The following LRRC4C variants were observed in gnomAD, a reference collection of about 807,000 sequenced individuals.
LRRC4C encodes the protein leucine-rich repeat-containing protein 4C.
Under a neutral mutation model 33.6 loss-of-function variants are expected in LRRC4C, and 5 were observed. The observed-to-expected ratio is 0.15, with a 90% CI of 0.08 to 0.31. The LOEUF (loss-of-function observed/expected upper bound fraction) is 0.31. LRRC4C is among the 10% of genes least tolerant of loss of function. The pLI is 1.00. For synonymous variants in LRRC4C, 329 were observed against 302.0 expected, an observed-to-expected ratio of 1.09 and a Z score of -0.93; for missense variants, 560 against 796.7, an observed-to-expected ratio of 0.70 and a Z score of 3.58.
At chr11:41,131,841 A>G (rs1943027575) in intron 1 of LRRC4C, among the ~76,000 whole-genome samples, 1 of 152,120 alleles carries the variant, frequency 6.6e-6, no homozygotes, top group African/African-American at 2.4e-5. Flanking sequence ...GTTAAAAGAC[A>G]CACCCATCAT....
At chr11:41,243,728 A>G (rs536124330) in intron 1 of LRRC4C, among the ~76,000 whole-genome samples, 2 of 152,292 alleles carry the variant, frequency 1.3e-5, no homozygotes, top group African/African-American at 4.8e-5. Context: ...ATAATGGAGC[A>G]ATCATCTAGG....
intron 3 of LRRC4C, among the ~76,000 whole-genome samples, chr11:40,358,514 C>A (rs941015598): frequency 1.3e-5 from 2 of 152,086 alleles, no homozygotes; most frequent in African/African-American, 4.8e-5. Context: ...CCCTTGGGCT[C>A]AAGTGATCCA....
chr11:40,816,199 G>T (rs1431942898), intron 2 of LRRC4C, among the ~76,000 whole-genome samples: 1 of 152,154 alleles, frequency 6.6e-6, no homozygotes, highest in African/African-American at 2.4e-5. Flanking sequence ...GATGCAAATG[G>T]AAGATCATTA....
At chr11:40,221,307 T>C (rs988959285) in intron 5 of LRRC4C, among the ~76,000 whole-genome samples, 1 of 152,208 alleles carries the variant, frequency 6.6e-6, no homozygotes, top group Non-Finnish European at 1.5e-5. Flanking sequence ...TTTTTCTAAG[T>C]GACAAATTAG....
intron 2 of LRRC4C, among the ~76,000 whole-genome samples, chr11:40,859,917 A>C (rs1953992293): frequency 6.6e-6 from 1 of 152,014 alleles, no homozygotes; most frequent in Non-Finnish European, 1.5e-5. Flanking sequence ...TCTACTAAAA[A>C]TACAAGAAAA....
At chr11:41,142,286 A>G (rs563719378) in intron 1 of LRRC4C, among the ~76,000 whole-genome samples, 12 of 152,290 alleles carry the variant, frequency 7.9e-5, no homozygotes, top group African/African-American at 2.9e-4. Flanking sequence ...GATGACCTCT[A>G]CCTTCAGAGA....
intron 3 of LRRC4C, among the ~76,000 whole-genome samples, chr11:40,373,060 A>AT (rs1455211539): frequency 6.6e-6 from 1 of 152,172 alleles, no homozygotes; most frequent in East Asian, 1.9e-4. Flanking sequence ...TATTTCTGAC[A>AT]TTTTTAATAA....
At chr11:41,214,425 C>T (rs1850906316) in intron 1 of LRRC4C, among the ~76,000 whole-genome samples, 1 of 151,666 alleles carries the variant, frequency 6.6e-6, no homozygotes, top group Non-Finnish European at 1.5e-5. Context: ...CAATGGCTGG[C>T]AACTACCTAC....
chr11:40,622,923 C>A (rs1177165087), intron 3 of LRRC4C, among the ~76,000 whole-genome samples: 1 of 149,796 alleles, frequency 6.7e-6, no homozygotes, highest in Non-Finnish European at 1.5e-5. Context: ...GAAGATCTAC[C>A]CATTAAAACT....
At chr11:41,063,129 A>T (rs564991542) in intron 1 of LRRC4C, among the ~76,000 whole-genome samples, 1 of 152,198 alleles carries the variant, frequency 6.6e-6, no homozygotes, top group Non-Finnish European at 1.5e-5. Context: ...TGAAGTGAAT[A>T]AATTTTTGGC....
chr11:41,020,753 G>A (rs889445100), intron 1 of LRRC4C, among the ~76,000 whole-genome samples: 2 of 152,002 alleles, frequency 1.3e-5, no homozygotes, highest in Non-Finnish European at 2.9e-5. Flanking sequence ...ACCTGTCTAT[G>A]TGCTTAACCC....
At chr11:40,357,695 T>A (rs1265742949) in intron 3 of LRRC4C, among the ~76,000 whole-genome samples, 2 of 152,134 alleles carry the variant, frequency 1.3e-5, no homozygotes, top group Non-Finnish European at 2.9e-5. Context: ...CTCTCTCATA[T>A]GCACAGAGTC....
rs7952326 is a variant in LRRC4C at position 40,925,663 on chromosome 11, G to A, written c.-407+7972C>T. 9.3e-3 allele frequency among the ~76,000 whole-genome samples: 1,414 copies of A among 152,256 alleles called. 4 individuals are homozygous for A. The highest frequency in any genetic ancestry group is 0.014 in the Admixed American group (210 of 15,286). On this transcript the variant is annotated intron_variant, in intron 2 of 6. Coordinates refer to ENST00000528697, the MANE Select transcript of LRRC4C (RefSeq NM_001258419.2). ...TTTTATATAATATTTAGAGCACAGC[G>A]TTTGGGTTTGGACAAACTTATGTTG...
At chr11:40,989,541 G>C (rs763780053) in intron 1 of LRRC4C, among the ~76,000 whole-genome samples, 11 of 152,092 alleles carry the variant, frequency 7.2e-5, no homozygotes, top group Non-Finnish European at 1.6e-4. Context: ...AACAGTAAGA[G>C]TATGTCACTA....
chr11:41,015,623 G>T (rs1336735879), intron 1 of LRRC4C, among the ~76,000 whole-genome samples: 1 of 152,156 alleles, frequency 6.6e-6, no homozygotes, highest in Non-Finnish European at 1.5e-5. Flanking sequence ...CTGATAATCT[G>T]TAGGTATTTA....
chr11:40,638,934 G>A (rs1056752418), intron 3 of LRRC4C, among the ~76,000 whole-genome samples: 1 of 152,052 alleles, frequency 6.6e-6, no homozygotes, highest in African/African-American at 2.4e-5. Flanking sequence ...TTTTGAGCAT[G>A]CAGTGGCCAA....
chr11:41,427,881 G>T lies in LRRC4C; in HGVS notation c.-496+31550C>A, dbSNP rs544832563. Among the ~76,000 whole-genome samples the T allele has an allele frequency of 1.6e-4, 24 of 152,138 alleles. No homozygotes were observed. The South Asian group carries it at 4.8e-3, about 30-fold the overall frequency. ...TTACCTTGTGAAATTCCTTCTCCTGGCTCAGCCTGGCTCAAAAGCTCCCCC... is the reference window on the plus strand; with the variant it reads ...TTACCTTGTGAAATTCCTTCTCCTGTCTCAGCCTGGCTCAAAAGCTCCCCC... On this transcript the variant is annotated intron_variant, in intron 1 of 6. Transcript: ENST00000528697.
intron 2 of LRRC4C, among the ~76,000 whole-genome samples, chr11:40,826,897 C>T (rs1324471265): frequency 1.3e-5 from 2 of 151,890 alleles, no homozygotes; most frequent in Admixed American, 6.6e-5. Context: ...TTCTCTTTTA[C>T]TAAAAATAAA....
At chr11:40,957,504 T>C (rs1650799437) in intron 1 of LRRC4C, among the ~76,000 whole-genome samples, 1 of 151,762 alleles carries the variant, frequency 6.6e-6, no homozygotes, top group Non-Finnish European at 1.5e-5. Context: ...AATAGCTGTA[T>C]TTTCTGAACT....
Sources: gnomAD v4.1 joint callset for allele counts (sites outside exome capture counted in the v4.1 genomes callset) on GRCh38, gnomAD v4.1.1 for gene constraint, MANE v1.5 for transcripts, NCBI Gene and HGNC (gene_info 2026-07-23, HGNC 2026-07-21) for gene names.